The following SRSF11 variants were observed in gnomAD, a reference collection of about 807,000 sequenced individuals.
The protein encoded by SRSF11 is serine/arginine-rich splicing factor 11.
SRSF11 carries 9 observed loss-of-function variants against 56.0 expected under a neutral mutation model. The observed-to-expected ratio is 0.16, with a 90% CI of 0.10 to 0.28. The LOEUF is 0.28. Among genes scored for constraint, SRSF11 ranks in the 10% least tolerant of loss-of-function variants. The pLI, the probability that SRSF11 is intolerant of heterozygous loss-of-function variation, is 1.00. For synonymous variants in SRSF11, 222 were observed against 215.3 expected, an observed-to-expected ratio of 1.03 and a Z score of -0.27; for missense variants, 421 against 600.7, an observed-to-expected ratio of 0.70 and a Z score of 3.13.
chr1:70,247,040 A>G, intron 9 of SRSF11, 133 bp downstream of exon 9: 1 of 1,114,804 alleles, frequency 9.0e-7, no homozygotes. Context: ...TTTTGCTGTT[A>G]TTTAAAGTTT....
At chr1:70,215,077 T>C (rs1558144391) in intron 1 of SRSF11, among the ~76,000 whole-genome samples, 3 of 152,018 alleles carry the variant, frequency 2.0e-5, no homozygotes, top group Admixed American at 6.6e-5. Context: ...TTTGTATTTT[T>C]AGTAGAGGCG....
At chr1:70,224,278 G>T (rs140800673) in intron 1 of SRSF11, among the ~76,000 whole-genome samples, 1 of 152,272 alleles carries the variant, frequency 6.6e-6, no homozygotes, top group African/African-American at 2.4e-5. Flanking sequence ...CAAGAAGGCA[G>T]TGACATGCAC....
rs1677874407 is a variant in SRSF11 at position 70,251,014 on chromosome 1, A to C, written c.*209A>C. On this transcript the variant is annotated 3_prime_UTR_variant, in exon 12 of 12. Coordinates refer to ENST00000370949, the MANE Select transcript of SRSF11 (RefSeq NM_001350605.2). ...GGTAACCAATTCTTGTCATGGTGAA[A>C]TCTGATTGAGTAACCAAGCAGTTTT... The C allele has an allele frequency of 2.0e-6, 1 of 505,076 alleles. No homozygotes were observed. The highest frequency in any genetic ancestry group is 3.5e-6 in the Non-Finnish European group (1 of 284,630). The allele number at this position is 505,076 out of a possible 1,614,324, so 31.3% of individuals were successfully genotyped here. A position where few individuals can be genotyped will look rare whatever the true frequency, so the allele number is the denominator to read the frequency against.
chr1:70,229,565 T>C (rs1672476348), intron 2 of SRSF11: 1 of 984,962 alleles, frequency 1.0e-6, no homozygotes, highest in East Asian at 1.1e-4. Context: ...CACTGAAATA[T>C]GATAAAACTG....
At chr1:70,243,311 T>C (rs1232115821) in intron 7 of SRSF11, among the ~76,000 whole-genome samples, 1 of 128,992 alleles carries the variant, frequency 7.8e-6, no homozygotes, top group Non-Finnish European at 1.6e-5. Context: ...TCAAATACTG[T>C]TTTTAATCCA....
chr1:70,223,401 G>A (rs762110740), intron 1 of SRSF11, among the ~76,000 whole-genome samples: 130 of 152,256 alleles, frequency 8.5e-4, no homozygotes, highest in Non-Finnish European at 1.7e-3. Flanking sequence ...CCTAATGCAT[G>A]ACCAGTATAC....
intron 4 of SRSF11, 66 bp from the exon 5 acceptor site, chr1:70,235,435 G>A: frequency 7.4e-7 from 1 of 1,354,256 alleles, no homozygotes; most frequent in Non-Finnish European, 1.0e-6. Context: ...TCAGTTTTCT[G>A]CCTAGAAAAT....
chr1:70,233,759 T>C (rs574636043), intron 3 of SRSF11, among the ~76,000 whole-genome samples: 58 of 152,232 alleles, frequency 3.8e-4, no homozygotes, highest in African/African-American at 1.4e-3. Flanking sequence ...CTACAGATGG[T>C]TTTAAAGTAG....
At chr1:70,230,678 A>G in intron 2 of SRSF11, 2 of 1,244,518 alleles carry the variant, frequency 1.6e-6, no homozygotes, top group South Asian at 1.4e-5. Flanking sequence ...TCTTTTTTTA[A>G]TCAGAGGATC....
upstream of SRSF11, chr1:70,205,711 T>G: frequency 1.7e-6 from 1 of 580,642 alleles, no homozygotes. Flanking sequence ...CACCAGCGCC[T>G]GGGCTGGAGG....
intron 5 of SRSF11, 57 bp downstream of exon 5, chr1:70,235,607 T>TAA: frequency 1.3e-6 from 2 of 1,536,360 alleles, no homozygotes; most frequent in Non-Finnish European, 8.8e-7. Flanking sequence ...TCTACAGAAT[T>TAA]AGAGTTTTTT....
intron 5 of SRSF11, among the ~76,000 whole-genome samples, chr1:70,237,078 C>T (rs1391986059): frequency 6.6e-6 from 1 of 152,030 alleles, no homozygotes; most frequent in African/African-American, 2.4e-5. Flanking sequence ...TGAGCCACCA[C>T]ACCGGCCCAA....
intron 2 of SRSF11, chr1:70,231,875 A>C: frequency 1.3e-6 from 2 of 1,498,446 alleles, no homozygotes; most frequent in Admixed American, 2.0e-5. Flanking sequence ...AGCCGACACG[A>C]GTCGTTGTTC....
intron 8 of SRSF11, among the ~76,000 whole-genome samples, chr1:70,245,384 A>G (rs969065742): frequency 3.3e-5 from 5 of 152,252 alleles, no homozygotes; most frequent in Non-Finnish European, 1.5e-5. Context: ...CATAAAACTC[A>G]ACTGATGAGA....
At chr1:70,218,138 T>G (rs1394459390), upstream of SRSF11, among the ~76,000 whole-genome samples, 1 of 152,164 alleles carries the variant, frequency 6.6e-6, no homozygotes, top group Admixed American at 6.5e-5. Flanking sequence ...CTAATTTTGT[T>G]TTTGTATTTT....
chr1:70,232,095 T>C, intron 2 of SRSF11, 173 bp from the exon 3 acceptor site: 1 of 1,545,530 alleles, frequency 6.5e-7, no homozygotes, highest in Non-Finnish European at 8.7e-7. Context: ...TTGAAGTTCA[T>C]TCTGACATAA....
At chr1:70,218,107 G>A (rs2100552162), upstream of SRSF11, among the ~76,000 whole-genome samples, 1 of 152,240 alleles carries the variant, frequency 6.6e-6, no homozygotes, top group South Asian at 2.1e-4. Flanking sequence ...TGGCACTACA[G>A]GCGTCTGCTA....
At chr1:70,205,818 T>A (rs975786410) in intron 1 of SRSF11, 1 of 347,572 alleles carries the variant, frequency 2.9e-6, no homozygotes, top group Non-Finnish European at 5.3e-6. Flanking sequence ...GGCTTTCGGG[T>A]TTATTGTTTG....
chr1:70,231,808 A>C, intron 2 of SRSF11: 2 of 1,380,318 alleles, frequency 1.4e-6, no homozygotes, highest in Non-Finnish European at 1.9e-6. Flanking sequence ...TTAACCCCTA[A>C]ATCAAACTTT....
Sources: gnomAD v4.1 joint callset for allele counts (sites outside exome capture counted in the v4.1 genomes callset) on GRCh38, gnomAD v4.1.1 for gene constraint, MANE v1.5 for transcripts, NCBI Gene and HGNC (gene_info 2026-07-23, HGNC 2026-07-21) for gene names.